Variants in MAP2K4 observed in about 807,000 individuals in gnomAD.
MAP2K4 encodes the protein dual specificity mitogen-activated protein kinase kinase 4.
In MAP2K4, 4 loss-of-function variants were observed where a neutral mutation model predicts 48.5. The observed-to-expected ratio is 0.08, with a 90% CI of 0.04 to 0.19. The LOEUF is 0.19. Ranked by LOEUF, MAP2K4 falls within the 10% of genes least tolerant of loss-of-function variation. The pLI, the probability that MAP2K4 is intolerant of heterozygous loss-of-function variation, is 1.00. For synonymous variants in MAP2K4, 166 were observed against 173.1 expected (o/e 0.96, Z 0.32); for missense variants, 258 against 493.3 (o/e 0.52, Z 4.52).
At chr17:12,125,119 TTTTGTTG>T in intron 7 of MAP2K4, 168 bp from the exon 8 acceptor site, 1 of 581,634 alleles carries the variant, frequency 1.7e-6, no homozygotes, top group South Asian at 2.1e-5. Context: ...CCATTAAGTT[TTTTGTTG>T]TTTGTTTTTA....
intron 4 of MAP2K4, among the ~76,000 whole-genome samples, chr17:12,107,382 CTTTTTTT>C (rs71367383): frequency 9.4e-5 from 10 of 106,384 alleles, no homozygotes; most frequent in South Asian, 3.1e-4. Flanking sequence ...TGTCTTTTTC[CTTTTTTT>C]TTTTTTTTTT....
intron 8 of MAP2K4, 32 bp from the exon 9 acceptor site, chr17:12,129,107 G>T: frequency 6.2e-7 from 1 of 1,608,606 alleles, no homozygotes; most frequent in Non-Finnish European, 8.5e-7. Context: ...GATGCCTGGT[G>T]TATTTTGCTC....
intron 1 of MAP2K4, among the ~76,000 whole-genome samples, chr17:12,041,561 G>T (rs1054344395): frequency 3.3e-5 from 5 of 152,138 alleles, no homozygotes; most frequent in African/African-American, 1.2e-4. Context: ...TTTGTGTCAT[G>T]AAATTCTATT....
intron 2 of MAP2K4, among the ~76,000 whole-genome samples, chr17:12,071,677 C>T (rs925611080): frequency 3.3e-5 from 5 of 152,062 alleles, no homozygotes; most frequent in African/African-American, 7.2e-5. Context: ...AATGGCTCAT[C>T]GCTAAATTAC....
intron 6 of MAP2K4, 99 bp from the exon 7 acceptor site, chr17:12,113,134 T>A: frequency 1.9e-6 from 2 of 1,050,086 alleles, no homozygotes; most frequent in Non-Finnish European, 2.8e-6. Flanking sequence ...CTTGACCACT[T>A]ATGTTGTCTA....
In MAP2K4 at chr17:12,143,780, C is replaced by G. The variant is rs1373426420; in HGVS notation, c.*2520C>G. ...AAATCAGACCCTGAGAGGGGAAAAT[C>G]TTAAAGTAAATTACATTAAATTATC... is the stretch of plus-strand genomic sequence containing the variant. On this transcript the variant is annotated 3_prime_UTR_variant, in exon 11 of 11. Transcript: ENST00000353533. 2 of 228,428 alleles carry G rather than the reference C, an allele frequency of 8.8e-6. No homozygotes were observed. Among genetic ancestry groups the G allele is most frequent in the African/African-American group, 4.4e-5 (2 of 45,120 alleles). 14.2% of individuals were successfully genotyped at this position (228,428 alleles called of 1,614,324 possible). A position where few individuals can be genotyped will look rare whatever the true frequency, so the allele number is the denominator to read the frequency against.
At chr17:12,129,078 C>A in intron 8 of MAP2K4, 61 bp from the exon 9 acceptor site, 2 of 1,554,606 alleles carry the variant, frequency 1.3e-6, no homozygotes, top group South Asian at 1.2e-5. Flanking sequence ...TGTGGCCCTT[C>A]CAGTGGGGAG....
chr17:12,059,325 A>AT (rs1373563137), intron 2 of MAP2K4, among the ~76,000 whole-genome samples: 2 of 152,232 alleles, frequency 1.3e-5, no homozygotes, highest in African/African-American at 4.8e-5. Context: ...ATTCTTATAA[A>AT]TGTGGCCAGC....
At chr17:12,118,578 C>T (rs542379647) in intron 7 of MAP2K4, among the ~76,000 whole-genome samples, 1 of 152,308 alleles carries the variant, frequency 6.6e-6, no homozygotes, top group Admixed American at 6.5e-5. Flanking sequence ...TCTGCTTATG[C>T]TGCAACCGAA....
intron 4 of MAP2K4, among the ~76,000 whole-genome samples, chr17:12,104,385 G>T (rs560239451): frequency 6.6e-6 from 1 of 152,070 alleles, no homozygotes; most frequent in Non-Finnish European, 1.5e-5. Flanking sequence ...AGGAAAGGGG[G>T]AATGGTTATT....
At chr17:12,030,670 A>C (rs1218184932) in intron 1 of MAP2K4, among the ~76,000 whole-genome samples, 1 of 152,178 alleles carries the variant, frequency 6.6e-6, no homozygotes, top group African/African-American at 2.4e-5. Flanking sequence ...ACAACCTTAC[A>C]TATAGATCCA....
intron 1 of MAP2K4, among the ~76,000 whole-genome samples, chr17:12,052,565 GT>G (rs1453477223): frequency 7.2e-5 from 11 of 152,162 alleles, no homozygotes; most frequent in African/African-American, 1.9e-4. Context: ...ACCAATTTTT[GT>G]TTTTCTTTGG....
chr17:12,124,931 TC>T (rs1164303045), intron 7 of MAP2K4: 20 of 203,618 alleles, frequency 9.8e-5, no homozygotes, highest in Non-Finnish European at 9.2e-5. Context: ...CGCTTCGGCC[TC>T]CCAAAGTGCT....
intron 4 of MAP2K4, among the ~76,000 whole-genome samples, chr17:12,107,341 CT>C (rs1434549832): frequency 7.1e-6 from 1 of 140,262 alleles, no homozygotes; most frequent in African/African-American, 2.7e-5. Flanking sequence ...TGTACGGGGT[CT>C]TGAGGCATGG....
chr17:12,086,492 CTG>C (rs975836327), intron 3 of MAP2K4, among the ~76,000 whole-genome samples: 2 of 152,110 alleles, frequency 1.3e-5, no homozygotes, highest in African/African-American at 4.8e-5. Flanking sequence ...GTTTTTCAGA[CTG>C]TGAGTTTGTT....
chr17:12,110,561 G>A (rs1018605357), intron 6 of MAP2K4, 135 bp downstream of exon 6: 3 of 649,646 alleles, frequency 4.6e-6, no homozygotes, highest in Non-Finnish European at 8.0e-6. Flanking sequence ...AATGCTTTAT[G>A]TACTTTAAAA....
chr17:12,070,752 C>CA (rs1266708822), intron 2 of MAP2K4, among the ~76,000 whole-genome samples: 1 of 152,166 alleles, frequency 6.6e-6, no homozygotes, highest in Admixed American at 6.5e-5. Context: ...CATCTGGCTG[C>CA]ATAGTTGCAG....
chr17:12,033,961 A>G (rs561727812), intron 1 of MAP2K4, among the ~76,000 whole-genome samples: 8 of 152,118 alleles, frequency 5.3e-5, no homozygotes, highest in African/African-American at 1.9e-4. Flanking sequence ...AGCTCATTTT[A>G]AAATTTTTTT....
At chr17:12,074,839 G>A (rs1315640764) in intron 2 of MAP2K4, among the ~76,000 whole-genome samples, 1 of 152,204 alleles carries the variant, frequency 6.6e-6, no homozygotes, top group Non-Finnish European at 1.5e-5. Context: ...CAGTAAGCTG[G>A]GGACACTTGT....
Sources: allele counts gnomAD v4.1 joint callset (sites outside exome capture counted in the v4.1 genomes callset), GRCh38; gene constraint gnomAD v4.1.1; transcripts MANE v1.5; gene names NCBI Gene and HGNC (gene_info 2026-07-23, HGNC 2026-07-21).